The following KIF16B variants were observed in gnomAD, a reference collection of about 807,000 sequenced individuals.
The protein encoded by KIF16B is kinesin family member 16B.
KIF16B carries 98 observed loss-of-function variants against 156.3 expected under a neutral mutation model. The ratio of observed to expected loss-of-function variants is 0.63; its 90% CI spans 0.53 to 0.74. The LOEUF is 0.74. Ranked by LOEUF, KIF16B falls within the 30% of genes least tolerant of loss-of-function variation. KIF16B has a pLI of 0.00. For missense variants in KIF16B, 1,421 were observed against 1,606.5 expected, an observed-to-expected ratio of 0.88 and a Z score of 1.97; for synonymous variants, 564 against 583.7, an observed-to-expected ratio of 0.97 and a Z score of 0.49.
In KIF16B at chr20:16,551,132, C is replaced by CTTCTTTTTTT. The variant is rs55770608; in HGVS notation, c.47+22096_47+22097insAAAAAAAGAA. 1.1e-4 allele frequency among the ~76,000 whole-genome samples: 15 copies of CTTCTTTTTTT among 139,114 alleles called. 1 individual carries two copies. The highest frequency in any genetic ancestry group is 2.0e-4 in the Non-Finnish European group (13 of 64,852). 91.3% of individuals were successfully genotyped at this position (139,114 alleles called of 152,430 possible). Reference sequence around the variant, plus strand: ...AACCACCAGTGAGGGGCTTTCTCTTCTTTTTTTTTTTTTTTTGAGATGCAG... The same window carrying CTTCTTTTTTT: ...AACCACCAGTGAGGGGCTTTCTCTTCTTCTTTTTTTTTTTTTTTTTTTTTTTGAGATGCAG... On this transcript the variant is annotated intron_variant, in intron 1 of 25. Transcript: ENST00000354981.
chr20:16,568,396 T>C lies in KIF16B; in HGVS notation c.47+4833A>G, dbSNP rs545180868. 9.8e-5 allele frequency among the ~76,000 whole-genome samples: 15 copies of C among 152,352 alleles called. No homozygotes were observed. In the South Asian group the frequency reaches 2.9e-3, roughly 29 times the overall value. ...TTGTTTTTGAATAAAGTTACAATTA[T>C]TAAACTGTAAAAATAATAGTAATGA... is the stretch of plus-strand genomic sequence containing the variant. On this transcript the variant is annotated intron_variant, in intron 1 of 25. Coordinates refer to ENST00000354981, the MANE Select transcript of KIF16B (RefSeq NM_024704.5).
chr20:16,393,180 T>C (rs934663300), intron 17 of KIF16B, among the ~76,000 whole-genome samples: 2 of 152,204 alleles, frequency 1.3e-5, no homozygotes, highest in Admixed American at 6.5e-5. Flanking sequence ...ACTTAAAATA[T>C]AAGCAAATAT....
At chr20:16,352,953 G>T (rs1379333415) in intron 23 of KIF16B, among the ~76,000 whole-genome samples, 1 of 152,200 alleles carries the variant, frequency 6.6e-6, no homozygotes, top group African/African-American at 2.4e-5. Context: ...CTGCCCTGCT[G>T]GTCACAGAGG....
At position 16,428,967 on chromosome 20, in the gene KIF16B, G is replaced by A. The variant is rs751782461; in HGVS notation, c.1460C>T (p.Thr487Met). The change falls in exon 14 of 26, where the codon ACG (threonine) becomes ATG (methionine). Residue 487 changes from threonine (T) to methionine (M), a missense_variant. By Grantham distance (81) the Thr-to-Met change is moderately conservative. Coordinates refer to ENST00000354981, the MANE Select transcript of KIF16B (RefSeq NM_024704.5). Reference protein sequence around the residue: ...QTYVGRDDASTEQDIVLHGLD... With the variant: ...QTYVGRDDASMEQDIVLHGLD... ...AATATGCTCACCAATATCTTGCTCC[G>A]TGGAAGCATCGTCTCTACCAACGTA... 54 of 1,613,052 alleles carry A rather than the reference G, an allele frequency of 3.3e-5. No individual in the cohort carries two copies. Among genetic ancestry groups the A allele is most frequent in the Non-Finnish European group, 4.4e-5 (52 of 1,179,342 alleles).
Position 16,429,917 on chromosome 20 carries a change from C to T in KIF16B, c.1368G>A (p.Leu456=). 6.2e-7 allele frequency: 1 copy of T among 1,612,092 alleles called. No homozygotes were observed. The highest frequency in any genetic ancestry group is 8.5e-7 in the Non-Finnish European group (1 of 1,178,594). The stretch of plus-strand genomic sequence containing the variant: ...TCAAAAGGTCATCATCGATGCCAAT[C>T]AAATGAGGCAGTTCAGAATCCAAAA... ...GVVLDSELPH[L]IGIDDDLLST... is the part of the protein sequence containing the mutation. The change falls in exon 13 of 26, where the codon TTG becomes TTA. Residue 456 remains leucine, a synonymous_variant. Coordinates refer to ENST00000354981, the MANE Select transcript of KIF16B (RefSeq NM_024704.5).
At chr20:16,456,125 T>TACAAC (rs1364320962) in intron 12 of KIF16B, among the ~76,000 whole-genome samples, 1 of 151,782 alleles carries the variant, frequency 6.6e-6, no homozygotes. Flanking sequence ...TACAATACAA[T>TACAAC]ACAATACAAT....
chr20:16,379,085 A>G lies in KIF16B; in HGVS notation c.2917T>C (p.Phe973Leu). The change falls in exon 19 of 26, where the codon TTT (phenylalanine) becomes CTT (leucine). Residue 973 changes from phenylalanine (F) to leucine (L), a missense_variant. Phe to Leu is a conservative substitution (Grantham distance 22). Transcript: ENST00000354981. Reference protein sequence around the residue: ...ANQLQKLQATFEFTANIARQE... With the variant: ...ANQLQKLQATLEFTANIARQE... Reference sequence around the variant, plus strand: ...CGTGCAATGTTGGCAGTGAATTCAAAGGTGGCTTGGAGCTTTTGCAGCTGG... The same window carrying G: ...CGTGCAATGTTGGCAGTGAATTCAAGGGTGGCTTGGAGCTTTTGCAGCTGG... 1 of 1,612,018 alleles carries G rather than the reference A, an allele frequency of 6.2e-7. No homozygotes were observed. The highest frequency in any genetic ancestry group is 1.3e-5 in the African/African-American group (1 of 74,888).
Position 16,484,632 on chromosome 20 carries a change from G to C in KIF16B, c.1302+9659C>G, listed in dbSNP as rs1412067452. On this transcript the variant is annotated intron_variant, in intron 12 of 25. Transcript: ENST00000354981. ...AGCCAATGAGATAGTATATGTAAATGCATTAGAAAAAGATAAAAGGCTTTG... is the reference window on the plus strand; with the variant it reads ...AGCCAATGAGATAGTATATGTAAATCCATTAGAAAAAGATAAAAGGCTTTG... 2.0e-5 allele frequency among the ~76,000 whole-genome samples: 3 copies of C among 152,160 alleles called. No homozygotes were observed. The East Asian group carries it at 5.8e-4, about 29-fold the overall frequency.
rs754953745 is a variant in KIF16B at position 16,569,672 on chromosome 20, T to G, written c.47+3557A>C. Among the ~76,000 whole-genome samples, 107 of 152,172 alleles carry G rather than the reference T, an allele frequency of 7.0e-4. 1 individual carries two copies. Among genetic ancestry groups the G allele is most frequent in the Non-Finnish European group, 1.3e-4 (9 of 68,030 alleles). ...AGGTTGCTTTCCCTTTGCCTGAGGC[T>G]CCACTACTCTAAAAATAAACATTAA... On this transcript the variant is annotated intron_variant, in intron 1 of 25. Transcript: ENST00000354981.
intron 25 of KIF16B, among the ~76,000 whole-genome samples, chr20:16,290,325 C>T (rs6080207): frequency 0.27 from 40,702 of 152,054 alleles, 5,507 homozygotes; most frequent in East Asian, 0.37. Context: ...CTGGATGCAT[C>T]GAGAACACTC....
intron 22 of KIF16B, among the ~76,000 whole-genome samples, chr20:16,369,786 T>G (rs1328089523): frequency 6.6e-6 from 1 of 152,194 alleles, no homozygotes; most frequent in Non-Finnish European, 1.5e-5. Flanking sequence ...ACAGTAATTA[T>G]CATTACTCTT....
At chr20:16,562,634 T>C (rs950625501) in intron 1 of KIF16B, among the ~76,000 whole-genome samples, 1 of 152,096 alleles carries the variant, frequency 6.6e-6, no homozygotes, top group Non-Finnish European at 1.5e-5. Flanking sequence ...CCGGCACAGT[T>C]CCAGGCCCCG....
intron 12 of KIF16B, among the ~76,000 whole-genome samples, chr20:16,433,679 T>C (rs952375845): frequency 5.9e-5 from 9 of 151,934 alleles, no homozygotes; most frequent in African/African-American, 2.2e-4. Context: ...TAAGAGAAAG[T>C]TTTCCAGGAT....
chr20:16,326,401 A>G (rs6080228), intron 24 of KIF16B, among the ~76,000 whole-genome samples: 22,014 of 151,786 alleles, frequency 0.15, 1,694 homozygotes, highest in Admixed American at 0.15. Context: ...CAAACTATGT[A>G]TTCGACAAAG....
In KIF16B at chr20:16,337,908, A is replaced by C. The variant is rs1045287872; in HGVS notation, c.3622-1893T>G. ...CAGAAAAGCCCAGGAAGTTAATGGA[A>C]CCACTTCATGACCTGTGAGTAGTAA... On this transcript the variant is annotated intron_variant, in intron 23 of 25. Transcript: ENST00000354981. Among the ~76,000 whole-genome samples the C allele has an allele frequency of 2.0e-5, 3 of 152,214 alleles. No individual in the cohort carries two copies. In the East Asian group the frequency reaches 5.8e-4, roughly 29 times the overall value.
chr20:16,428,637 T>C (rs1398263781), intron 14 of KIF16B, among the ~76,000 whole-genome samples: 1 of 152,126 alleles, frequency 6.6e-6, no homozygotes, highest in Non-Finnish European at 1.5e-5. Flanking sequence ...ATTGTTCCAT[T>C]GTGAGACAAT....
chr20:16,365,925 A>G (rs542675037), intron 22 of KIF16B, among the ~76,000 whole-genome samples: 1 of 152,282 alleles, frequency 6.6e-6, no homozygotes, highest in African/African-American at 2.4e-5. Context: ...GGGTGGGCTG[A>G]GCAAGACAGA....
chr20:16,378,758 C>T, intron 19 of KIF16B, 47 bp downstream of exon 19: 1 of 1,501,214 alleles, frequency 6.7e-7, no homozygotes, highest in South Asian at 1.4e-5. Context: ...AAAATGAGCA[C>T]TCATTTGGCA....
intron 17 of KIF16B, among the ~76,000 whole-genome samples, chr20:16,397,896 G>A (rs2065551709): frequency 6.6e-6 from 1 of 152,238 alleles, no homozygotes; most frequent in Non-Finnish European, 1.5e-5. Context: ...TGTGCTGAGA[G>A]CACATGTGCT....
Sources: gnomAD v4.1 joint callset for allele counts (sites outside exome capture counted in the v4.1 genomes callset) on GRCh38, gnomAD v4.1.1 for gene constraint, MANE v1.5 for transcripts, NCBI Gene and HGNC (gene_info 2026-07-23, HGNC 2026-07-21) for gene names.